IL1RAPL2: variants seen among roughly 807,000 people sequenced by gnomAD.
The protein encoded by IL1RAPL2 is X-linked interleukin-1 receptor accessory protein-like 2.
Under a neutral mutation model 44.1 loss-of-function variants are expected in IL1RAPL2, and 3 were observed. That is an observed-to-expected ratio of 0.07 (90% CI 0.03 to 0.18). The LOEUF (loss-of-function observed/expected upper bound fraction) is 0.18, where lower values mean the gene tolerates loss of function less well. Among genes scored for constraint, IL1RAPL2 ranks in the 10% least tolerant of loss-of-function variants. The pLI, the probability that IL1RAPL2 is intolerant of heterozygous loss-of-function variation, is 1.00. For synonymous variants in IL1RAPL2, 181 were observed against 178.8 expected (o/e 1.01, Z -0.10); for missense variants, 391 against 496.4 (o/e 0.79, Z 2.02).
chrX:104,702,334 A>G (rs1025751284), intron 2 of IL1RAPL2, among the ~76,000 whole-genome samples: 1 of 112,203 alleles, frequency 8.9e-6, no homozygotes, highest in African/African-American at 3.2e-5. Flanking sequence ...AAAGAATAGA[A>G]ACATCTGTTT....
intron 2 of IL1RAPL2, among the ~76,000 whole-genome samples, chrX:105,155,444 T>C (rs2033261221): frequency 1.8e-5 from 2 of 110,816 alleles, no homozygotes; most frequent in Non-Finnish European, 3.8e-5. Context: ...TGGGGATACT[T>C]AGTAGGCCTG....
At chrX:105,447,104 TATAAAAATATATATAAATATAA>T (rs2035963618) in intron 5 of IL1RAPL2, among the ~76,000 whole-genome samples, 4 of 48,329 alleles carry the variant, frequency 8.3e-5, no homozygotes, top group African/African-American at 5.4e-4. Context: ...TATATATATA[TATAAAAATATATATAAATATAA>T]ATATATATAT....
chrX:104,698,310 G>T (rs767353001), intron 2 of IL1RAPL2, among the ~76,000 whole-genome samples: 1 of 112,339 alleles, frequency 8.9e-6, no homozygotes, highest in Non-Finnish European at 1.9e-5. Flanking sequence ...TGTACTCAAA[G>T]GCAACAGCCC....
intron 2 of IL1RAPL2, among the ~76,000 whole-genome samples, chrX:104,915,783 A>C (rs918075875): frequency 8.9e-6 from 1 of 111,909 alleles, no homozygotes; most frequent in Non-Finnish European, 1.9e-5. Flanking sequence ...AGCTTTCTAC[A>C]TATGGCTAGC....
chrX:105,397,019 A>G (rs1238135549), intron 5 of IL1RAPL2, among the ~76,000 whole-genome samples: 1 of 109,859 alleles, frequency 9.1e-6, no homozygotes, highest in Non-Finnish European at 1.9e-5. Context: ...AGATTTTCGT[A>G]GCAGCACAAA....
intron 2 of IL1RAPL2, among the ~76,000 whole-genome samples, chrX:105,020,517 A>G (rs1399619243): frequency 1.8e-5 from 2 of 111,981 alleles, no homozygotes; most frequent in African/African-American, 6.5e-5. Flanking sequence ...TTGGTCTAGC[A>G]TCTGTAAAGT....
At chrX:104,984,498 T>C (rs2030523952) in intron 2 of IL1RAPL2, among the ~76,000 whole-genome samples, 1 of 111,644 alleles carries the variant, frequency 9.0e-6, no homozygotes, top group Admixed American at 9.6e-5. Context: ...AGCGCTCCAT[T>C]GTGTGATTCA....
At chrX:104,658,792 T>C in intron 1 of IL1RAPL2, 103 bp from the exon 2 acceptor site, 1 of 523,781 alleles carries the variant, frequency 1.9e-6, no homozygotes, top group South Asian at 3.0e-5. Flanking sequence ...AGATTGTCAT[T>C]GTTTCTCTAA....
chrX:105,098,074 A>G (rs900865291), intron 2 of IL1RAPL2, among the ~76,000 whole-genome samples: 4 of 111,978 alleles, frequency 3.6e-5, no homozygotes, highest in Non-Finnish European at 7.5e-5. Context: ...CATTCAAGAA[A>G]GATGTGTGAA....
At chrX:105,446,736 A>C (rs1324282884) in intron 5 of IL1RAPL2, among the ~76,000 whole-genome samples, 1 of 109,297 alleles carries the variant, frequency 9.1e-6, no homozygotes, top group South Asian at 3.9e-4. Flanking sequence ...TTTATGTCTT[A>C]TTGTTCTATA....
At position 105,767,316 on chromosome X, in the gene IL1RAPL2, C is replaced by T. The variant is rs149450143; in HGVS notation, c.1716C>T (p.Ser572=). The T allele has an allele frequency of 3.9e-5, 47 of 1,208,306 alleles. No individual in the cohort carries two copies. Among genetic ancestry groups the T allele is most frequent in the East Asian group, 3.0e-5 (1 of 33,760 alleles). Residue 572 remains serine (S), a synonymous_variant, in exon 11 of 11, where the codon TCC becomes TCT. Transcript: ENST00000372582. ...EMLPRCHVLD[S]AEQGLFGELQ... is the part of the protein sequence containing the mutation. Reference sequence around the variant, plus strand: ...TACCTCGGTGCCATGTTCTGGACTCCGCAGAACAAGGACTTTTTGGAGAAC... The same window carrying T: ...TACCTCGGTGCCATGTTCTGGACTCTGCAGAACAAGGACTTTTTGGAGAAC...
In IL1RAPL2 at chrX:105,101,788, T is replaced by G. The variant is rs1407867513; in HGVS notation, c.83-93687T>G. ...CTCTACAATCAGGGATTTAAAGACA[T>G]TGCTTCTGTTAAATGTTCCCTCTAA... On this transcript the variant is annotated intron_variant, in intron 2 of 10. Coordinates refer to ENST00000372582, the MANE Select transcript of IL1RAPL2 (RefSeq NM_017416.2). Among the ~76,000 whole-genome samples the G allele has an allele frequency of 2.7e-5, 3 of 111,821 alleles. No homozygotes were observed. The East Asian group carries it at 8.5e-4, about 32-fold the overall frequency.
intron 2 of IL1RAPL2, among the ~76,000 whole-genome samples, chrX:104,734,099 C>T: frequency 8.9e-6 from 1 of 112,046 alleles, no homozygotes; most frequent in East Asian, 2.8e-4. Flanking sequence ...TGGGATGTCA[C>T]TACATGCCTA....
chrX:105,256,135 T>A (rs2147649911), intron 4 of IL1RAPL2, among the ~76,000 whole-genome samples: 1 of 110,945 alleles, frequency 9.0e-6, no homozygotes, highest in African/African-American at 3.3e-5. Context: ...TGTCAGGTTT[T>A]ATTATTAGAA....
At chrX:104,880,955 A>G (rs1248962508) in intron 2 of IL1RAPL2, among the ~76,000 whole-genome samples, 1 of 111,772 alleles carries the variant, frequency 8.9e-6, no homozygotes, top group East Asian at 2.8e-4. Flanking sequence ...AAATGTTTCA[A>G]TAACGACCTC....
chrX:104,940,801 A>T lies in IL1RAPL2; in HGVS notation c.83-254674A>T, dbSNP rs746436827. Among the ~76,000 whole-genome samples, 466 of 108,595 alleles carry T rather than the reference A, an allele frequency of 4.3e-3. 2 individuals are homozygous for T. Among genetic ancestry groups the T allele is most frequent in the African/African-American group, 0.015 (441 of 29,740 alleles). The allele number at this position is 108,595 out of a possible 115,157, so 94.3% of individuals were successfully genotyped here. ...GTGCAGGTTTCTTATGTATGTATAC[A>T]TGTGCCATGTTGGTGTGCTGCACCC... is the stretch of plus-strand genomic sequence containing the variant. On this transcript the variant is annotated intron_variant, in intron 2 of 10. Coordinates refer to ENST00000372582, the MANE Select transcript of IL1RAPL2 (RefSeq NM_017416.2).
chrX:105,013,510 A>G (rs1343908272), intron 2 of IL1RAPL2, among the ~76,000 whole-genome samples: 2 of 110,090 alleles, frequency 1.8e-5, no homozygotes, highest in Non-Finnish European at 3.8e-5. Flanking sequence ...ACAGAGGTAT[A>G]ATGTCACCAG....
intron 5 of IL1RAPL2, among the ~76,000 whole-genome samples, chrX:105,435,303 A>C (rs2035874343): frequency 8.9e-6 from 1 of 112,000 alleles, no homozygotes; most frequent in Non-Finnish European, 1.9e-5. Flanking sequence ...GCTCAACATC[A>C]CTGATTGTTA....
chrX:105,591,111 G>A (rs935524573), intron 6 of IL1RAPL2, among the ~76,000 whole-genome samples: 1 of 109,725 alleles, frequency 9.1e-6, no homozygotes, highest in Non-Finnish European at 1.9e-5. Flanking sequence ...ATCTTTTCAG[G>A]GTTTCAATTT....
Sources: gnomAD v4.1 joint callset for allele counts (sites outside exome capture counted in the v4.1 genomes callset) on GRCh38, gnomAD v4.1.1 for gene constraint, MANE v1.5 for transcripts, NCBI Gene and HGNC (gene_info 2026-07-23, HGNC 2026-07-21) for gene names.